MREG: variants seen among roughly 807,000 people sequenced by gnomAD.
MREG encodes the protein dilute suppressor protein homolog.
MREG carries 31 observed loss-of-function variants against 28.5 expected under a neutral mutation model. The ratio of observed to expected loss-of-function variants is 1.09; its 90% CI spans 0.82 to 1.47. The LOEUF (loss-of-function observed/expected upper bound fraction) is 1.47. MREG is among the 40% of genes most tolerant of loss of function. The pLI, the probability that MREG is intolerant of heterozygous loss-of-function variation, is 0.00. For synonymous variants in MREG, 106 were observed against 95.2 expected, an observed-to-expected ratio of 1.11 and a Z score of -0.66; for missense variants, 256 against 257.4, an observed-to-expected ratio of 0.99 and a Z score of 0.04.
intron 1 of MREG, among the ~76,000 whole-genome samples, chr2:215,998,085 A>G (rs944152716): frequency 6.6e-6 from 1 of 152,036 alleles, no homozygotes; most frequent in Admixed American, 6.6e-5. Flanking sequence ...CAGGTGGATC[A>G]CCTGAAGTCA....
At chr2:215,966,560 G>C (rs1451725413) in intron 2 of MREG, among the ~76,000 whole-genome samples, 1 of 151,008 alleles carries the variant, frequency 6.6e-6, no homozygotes, top group Non-Finnish European at 1.5e-5. Context: ...TTTAACAGCT[G>C]AGAATTATTA....
chr2:215,966,577 T>C (rs192556706), intron 2 of MREG, among the ~76,000 whole-genome samples: 21 of 151,950 alleles, frequency 1.4e-4, no homozygotes, highest in African/African-American at 5.1e-4. Flanking sequence ...ATTACTTAAG[T>C]TCAAGCCTTG....
At chr2:216,005,444 CTT>C (rs58288878) in intron 1 of MREG, among the ~76,000 whole-genome samples, 74 of 86,322 alleles carry the variant, frequency 8.6e-4, no homozygotes, top group Non-Finnish European at 1.1e-3. Context: ...TCTAGTTATT[CTT>C]TTTTTTTTTT....
Position 215,954,579 on chromosome 2 carries a change from C to G in MREG, c.256-7466G>C, listed in dbSNP as rs577803592. Reference sequence around the variant, plus strand: ...GCCCAACCGCAAACAGCAGCTAAGCCAGAACTCAAATCTAAGTGCATCGAA... The same window carrying G: ...GCCCAACCGCAAACAGCAGCTAAGCGAGAACTCAAATCTAAGTGCATCGAA... On this transcript the variant is annotated intron_variant, in intron 2 of 4. Transcript: ENST00000263268. Among the ~76,000 whole-genome samples the G allele has an allele frequency of 5.3e-5, 8 of 152,006 alleles. No individual in the cohort carries two copies. The South Asian group carries it at 1.7e-3, about 32-fold the overall frequency.
chr2:215,983,501 T>C (rs2106003223), intron 2 of MREG, among the ~76,000 whole-genome samples: 1 of 152,372 alleles, frequency 6.6e-6, no homozygotes, highest in African/African-American at 2.4e-5. Flanking sequence ...GGTCTGTTCC[T>C]ATCTTAAACA....
intron 2 of MREG, among the ~76,000 whole-genome samples, chr2:215,977,056 G>C (rs529469748): frequency 2.6e-5 from 4 of 152,158 alleles, no homozygotes; most frequent in Admixed American, 6.6e-5. Context: ...AAATGGGCTA[G>C]ATGCCCCAAC....
chr2:216,007,403 T>TTTTTTTTA (rs1553555367), intron 1 of MREG, among the ~76,000 whole-genome samples: 47 of 142,850 alleles, frequency 3.3e-4, no homozygotes, highest in East Asian at 1.4e-3. Flanking sequence ...CTTAGCAACA[T>TTTTTTTTA]TTTATTTATT....
chr2:215,987,909 A>T (rs1165218485), intron 2 of MREG, among the ~76,000 whole-genome samples: 3 of 151,982 alleles, frequency 2.0e-5, no homozygotes, highest in Non-Finnish European at 1.5e-5. Context: ...GTCTCAAAAT[A>T]AAAAAAATAA....
chr2:215,951,117 C>CT (rs1446373108), intron 2 of MREG, among the ~76,000 whole-genome samples: 1 of 152,144 alleles, frequency 6.6e-6, no homozygotes, highest in Non-Finnish European at 1.5e-5. Context: ...GCCATGCTTC[C>CT]TGTACAGCCT....
chr2:215,945,256 T>C (rs1245616118), intron 4 of MREG, among the ~76,000 whole-genome samples: 1 of 152,222 alleles, frequency 6.6e-6, no homozygotes, highest in Non-Finnish European at 1.5e-5. Context: ...AAATAAACAA[T>C]ACTTCTCACA....
chr2:215,989,457 T>C (rs1311942914), intron 2 of MREG, among the ~76,000 whole-genome samples: 1 of 152,136 alleles, frequency 6.6e-6, no homozygotes, highest in African/African-American at 2.4e-5. Context: ...GCAAAAAGGC[T>C]GGAAAGTCCA....
At chr2:215,995,047 T>C (rs1314894888) in intron 2 of MREG, among the ~76,000 whole-genome samples, 1 of 152,216 alleles carries the variant, frequency 6.6e-6, no homozygotes, top group African/African-American at 2.4e-5. Context: ...GAATTTGTTC[T>C]TTCCACTAAA....
chr2:215,979,205 T>A (rs1240500836), intron 2 of MREG, among the ~76,000 whole-genome samples: 2 of 152,170 alleles, frequency 1.3e-5, no homozygotes, highest in Non-Finnish European at 2.9e-5. Context: ...GGCTCACGCC[T>A]GTAATCCCAG....
At chr2:215,989,621 C>A (rs1226572301) in intron 2 of MREG, among the ~76,000 whole-genome samples, 1 of 151,880 alleles carries the variant, frequency 6.6e-6, no homozygotes, top group Non-Finnish European at 1.5e-5. Flanking sequence ...ATGTTCTAAC[C>A]CAATGCAAGG....
At chr2:215,963,855 A>G (rs1235418298) in intron 2 of MREG, among the ~76,000 whole-genome samples, 1 of 152,228 alleles carries the variant, frequency 6.6e-6, no homozygotes, top group Admixed American at 6.5e-5. Flanking sequence ...AACTACACCT[A>G]GACAAACATC....
At chr2:215,972,615 C>T (rs1440705964) in intron 2 of MREG, among the ~76,000 whole-genome samples, 23 of 113,402 alleles carry the variant, frequency 2.0e-4, no homozygotes, top group Admixed American at 4.6e-4. Flanking sequence ...GACTCTCTCC[C>T]AGAAAAAAAA....
At chr2:216,011,280 G>T (rs115292905) in intron 1 of MREG, among the ~76,000 whole-genome samples, 1 of 152,148 alleles carries the variant, frequency 6.6e-6, no homozygotes, top group East Asian at 1.9e-4. Context: ...ACTGTTCCAC[G>T]TATCCATTAA....
intron 2 of MREG, among the ~76,000 whole-genome samples, chr2:215,984,242 G>T (rs1274911823): frequency 1.3e-5 from 2 of 152,040 alleles, no homozygotes; most frequent in Non-Finnish European, 2.9e-5. Flanking sequence ...GGAAAGACTT[G>T]CCCCCATGAT....
chr2:216,012,307 G>A (rs1012961498), intron 1 of MREG, among the ~76,000 whole-genome samples: 12 of 152,156 alleles, frequency 7.9e-5, no homozygotes, highest in African/African-American at 2.9e-4. Context: ...GGCAGGAAGG[G>A]GTTATGTAAG....
Sources: gnomAD v4.1 joint callset for allele counts (sites outside exome capture counted in the v4.1 genomes callset) on GRCh38, gnomAD v4.1.1 for gene constraint, MANE v1.5 for transcripts, NCBI Gene and HGNC (gene_info 2026-07-23, HGNC 2026-07-21) for gene names.